ASPRV1: variants seen among roughly 807,000 people sequenced by gnomAD.
ASPRV1 encodes retroviral-like aspartic protease 1.
ASPRV1 carries 7 observed loss-of-function variants against 11.0 expected under a neutral mutation model. The observed-to-expected ratio is 0.64, with a 90% CI of 0.36 to 1.20. The LOEUF is 1.20. ASPRV1 is among the 50% of genes most tolerant of loss of function. ASPRV1 has a pLI of 0.02. For missense variants in ASPRV1, 299 were observed against 320.0 expected (o/e 0.93, Z 0.50); for synonymous variants, 136 against 138.4 (o/e 0.98, Z 0.12).
chr2:70,067,024 G>C, the ASPRV1 span, among the ~76,000 whole-genome samples: 11 of 152,136 alleles, frequency 7.2e-5, no homozygotes, highest in Admixed American at 6.6e-4. Flanking sequence ...TAACAACTAA[G>C]ATTCACATAG....
At chr2:69,991,204 C>T in the ASPRV1 span, among the ~76,000 whole-genome samples, 2 of 152,142 alleles carry the variant, frequency 1.3e-5, no homozygotes, top group African/African-American at 2.4e-5. Flanking sequence ...ACCCCACACA[C>T]GGGCAGTTGG....
the ASPRV1 span, among the ~76,000 whole-genome samples, chr2:70,062,394 C>T: frequency 6.6e-6 from 1 of 152,170 alleles, no homozygotes; most frequent in Admixed American, 6.6e-5. Flanking sequence ...TTCCTGGTCA[C>T]CACCCCAAAC....
chr2:69,967,624 G>C, the ASPRV1 span, among the ~76,000 whole-genome samples: 1 of 152,152 alleles, frequency 6.6e-6, no homozygotes, highest in African/African-American at 2.4e-5. Context: ...AAAAAGACTA[G>C]GAAGAAAGAC....
the ASPRV1 span, among the ~76,000 whole-genome samples, chr2:69,987,626 T>G: frequency 6.6e-6 from 1 of 150,744 alleles, no homozygotes; most frequent in Non-Finnish European, 1.5e-5. Context: ...AGCACATGCC[T>G]GTAGTCCCAG....
At chr2:69,983,690 C>T in the ASPRV1 span, among the ~76,000 whole-genome samples, 19 of 152,272 alleles carry the variant, frequency 1.2e-4, no homozygotes, top group Admixed American at 2.6e-4. Context: ...AGGGCCTAAG[C>T]GGGCACTGGT....
the ASPRV1 span, among the ~76,000 whole-genome samples, chr2:69,937,614 G>GTTTGT: frequency 2.2e-4 from 34 of 152,148 alleles, no homozygotes; most frequent in Non-Finnish European, 3.7e-4. Context: ...TTTCAGCCTA[G>GTTTGT]TTTGTTTTGT....
At chr2:69,942,654 G>A in the ASPRV1 span, 2 of 152,136 alleles carry the variant, frequency 1.3e-5, no homozygotes, top group African/African-American at 4.8e-5. Flanking sequence ...TGGTGCTCTT[G>A]GAATATTGCT....
chr2:70,065,180 G>A, the ASPRV1 span, among the ~76,000 whole-genome samples: 2 of 151,692 alleles, frequency 1.3e-5, no homozygotes, highest in Non-Finnish European at 2.9e-5. Context: ...AGGTTGAGGC[G>A]GGTGGATCAT....
chr2:69,940,695 C>T, the ASPRV1 span: 27 of 152,586 alleles, frequency 1.8e-4, no homozygotes, highest in African/African-American at 6.5e-4. Flanking sequence ...AAATGTGGAA[C>T]TTGATAGATC....
At chr2:70,071,568 C>A in the ASPRV1 span, 5 of 151,570 alleles carry the variant, frequency 3.3e-5, no homozygotes, top group African/African-American at 1.2e-4. Context: ...ATGGTGAAAC[C>A]CCATCTCTAC....
chr2:70,011,083 C>G, the ASPRV1 span, among the ~76,000 whole-genome samples: 18 of 151,928 alleles, frequency 1.2e-4, no homozygotes, highest in Admixed American at 5.9e-4. Context: ...CAGAGGGGAG[C>G]AATACACACT....
the ASPRV1 span, among the ~76,000 whole-genome samples, chr2:70,002,084 G>A: frequency 6.6e-6 from 1 of 152,138 alleles, no homozygotes; most frequent in Non-Finnish European, 1.5e-5. Flanking sequence ...ATATTAGCAT[G>A]ATTTTTAATT....
chr2:69,994,365 A>G, the ASPRV1 span: 1 of 152,218 alleles, frequency 6.6e-6, no homozygotes, highest in Admixed American at 6.5e-5. Flanking sequence ...ATAGACTTCA[A>G]CCTCCTGACA....
At chr2:69,942,065 G>T in the ASPRV1 span, 3 of 152,068 alleles carry the variant, frequency 2.0e-5, no homozygotes, top group South Asian at 2.1e-4. Context: ...CCCCAAGTTT[G>T]TCTGTCCCCC....
At chr2:69,952,326 A>G in the ASPRV1 span, among the ~76,000 whole-genome samples, 5 of 152,110 alleles carry the variant, frequency 3.3e-5, no homozygotes, top group African/African-American at 1.2e-4. Context: ...TTTGAGCAAT[A>G]TGGCAAAACC....
the ASPRV1 span, chr2:70,032,264 T>C: frequency 4.6e-5 from 7 of 152,218 alleles, no homozygotes; most frequent in African/African-American, 1.7e-4. Flanking sequence ...CCCTAAGGAA[T>C]GAGCAAGAGT....
At chr2:69,957,390 T>C (rs928937926), downstream of ASPRV1, among the ~76,000 whole-genome samples, 3 of 151,812 alleles carry the variant, frequency 2.0e-5, no homozygotes, top group African/African-American at 7.3e-5. Flanking sequence ...TTTGTACTGC[T>C]CTTGCAACTT....
the ASPRV1 span, among the ~76,000 whole-genome samples, chr2:69,945,980 GAGGGCCTTAGGGAT>G: frequency 0.03 from 4,502 of 152,268 alleles, 95 homozygotes; most frequent in Non-Finnish European, 0.043. Context: ...AGGCACCTGG[GAGGGCCTTAGGGAT>G]AGGGGAAAGA....
chr2:70,066,218 G>T, the ASPRV1 span, among the ~76,000 whole-genome samples: 1 of 151,932 alleles, frequency 6.6e-6, no homozygotes, highest in Non-Finnish European at 1.5e-5. Flanking sequence ...ACACAAAGCA[G>T]TTCAATGGAA....
Sources: gnomAD v4.1 joint callset for allele counts (sites outside exome capture counted in the v4.1 genomes callset) on GRCh38, gnomAD v4.1.1 for gene constraint, MANE v1.5 for transcripts, NCBI Gene and HGNC (gene_info 2026-07-23, HGNC 2026-07-21) for gene names.